Variants in CACNA1H observed in about 807,000 individuals in gnomAD.
CACNA1H encodes calcium voltage-gated channel subunit alpha1 H, also known as voltage-dependent T-type calcium channel subunit alpha-1H.
In CACNA1H, 149 loss-of-function variants were observed where a neutral mutation model predicts 192.5. The ratio of observed to expected loss-of-function variants is 0.77; its 90% CI spans 0.68 to 0.89. The LOEUF is 0.89. Ranked by LOEUF, CACNA1H falls within the 40% of genes least tolerant of loss-of-function variation. CACNA1H has a pLI of 0.00. For synonymous variants in CACNA1H, 2,202 were observed against 1,475.2 expected (o/e 1.49, Z -11.29); for missense variants, 4,257 against 3,423.5 (o/e 1.24, Z -6.08).
intron 16 of CACNA1H, among the ~76,000 whole-genome samples, chr16:1,208,429 G>A (rs1045735626): frequency 2.6e-5 from 4 of 152,196 alleles, no homozygotes; most frequent in Non-Finnish European, 2.9e-5. Context: ...GGGCAGACGC[G>A]GAAGCTCTGT....
chr16:1,214,651 G>C (rs867004495), intron 27 of CACNA1H, among the ~76,000 whole-genome samples: 1 of 152,208 alleles, frequency 6.6e-6, no homozygotes, highest in Admixed American at 6.5e-5. Context: ...CACTGCCATC[G>C]GGGTGCACAG....
intron 2 of CACNA1H, among the ~76,000 whole-genome samples, chr16:1,178,812 A>G (rs1965177591): frequency 6.6e-6 from 1 of 152,138 alleles, no homozygotes; most frequent in African/African-American, 2.4e-5. Context: ...TGGGGTGAAG[A>G]GATGTGGCGG....
chr16:1,156,008 C>T (rs1489601810), intron 2 of CACNA1H, among the ~76,000 whole-genome samples: 1 of 152,056 alleles, frequency 6.6e-6, no homozygotes, highest in East Asian at 1.9e-4. Flanking sequence ...GTGCTCTCAG[C>T]CTGGGAAGAA....
chr16:1,184,213 TCCCCGAG>T (rs1965757263), intron 2 of CACNA1H, among the ~76,000 whole-genome samples: 1 of 152,180 alleles, frequency 6.6e-6, no homozygotes, highest in Non-Finnish European at 1.5e-5. Flanking sequence ...ATGGGGCCCC[TCCCCGAG>T]CCCTGAGACC....
intron 2 of CACNA1H, among the ~76,000 whole-genome samples, chr16:1,160,538 G>A (rs534208002): frequency 4.6e-5 from 7 of 152,308 alleles, no homozygotes; most frequent in African/African-American, 7.2e-5. Context: ...CACTGTGCCC[G>A]CCGAGGATGA....
intron 2 of CACNA1H, among the ~76,000 whole-genome samples, chr16:1,176,183 G>A (rs1964869554): frequency 6.6e-6 from 1 of 152,252 alleles, no homozygotes; most frequent in Admixed American, 6.5e-5. Flanking sequence ...ACGCTGTGTG[G>A]TTACAGATGC....
At chr16:1,164,930 C>T (rs896953158) in intron 2 of CACNA1H, among the ~76,000 whole-genome samples, 13 of 152,158 alleles carry the variant, frequency 8.5e-5, no homozygotes, top group African/African-American at 2.9e-4. Context: ...CCTGGCTTGG[C>T]AGATGTGTGT....
At chr16:1,171,520 A>T (rs1273552007) in intron 2 of CACNA1H, among the ~76,000 whole-genome samples, 1 of 152,136 alleles carries the variant, frequency 6.6e-6, no homozygotes, top group Non-Finnish European at 1.5e-5. Context: ...TCGAATGGAG[A>T]TGGGGGTCAG....
chr16:1,197,615 G>T (rs1481053522), intron 5 of CACNA1H, among the ~76,000 whole-genome samples: 1 of 152,228 alleles, frequency 6.6e-6, no homozygotes, highest in Non-Finnish European at 1.5e-5. Flanking sequence ...GGTCATCTGT[G>T]ATCTTTGAGG....
At position 1,204,024 on chromosome 16, in the gene CACNA1H, C is replaced by T. The variant is rs1057520145; in HGVS notation, c.2017C>T (p.Pro673Ser). The T allele has an allele frequency of 2.6e-6, 4 of 1,557,504 alleles. No homozygotes were observed. The highest frequency in any genetic ancestry group is 3.5e-6 in the Non-Finnish European group (4 of 1,151,850). Residue 673 changes from proline (P) to serine (S), a missense_variant, in exon 10 of 35, where the codon CCT becomes TCT. Coordinates refer to ENST00000348261, the MANE Select transcript of CACNA1H (RefSeq NM_021098.3). ...CTCTCCCGCAGGACTGGGCCAGGCC[C>T]CTGGCCATCTGTCGGGCCTCAGTGT... ...VVGEHGLGQA[P>S]GHLSGLSVPC...
Position 1,218,661 on chromosome 16 carries a change from C to A in CACNA1H, c.5887+10C>A. The A allele has an allele frequency of 6.5e-7, 1 of 1,528,442 alleles. No homozygotes were observed. Among genetic ancestry groups the A allele is most frequent in the Non-Finnish European group, 8.8e-7 (1 of 1,134,014 alleles). 94.7% of individuals were successfully genotyped at this position (1,528,442 alleles called of 1,614,324 possible). A position where few individuals can be genotyped will look rare whatever the true frequency, so the allele number is the denominator to read the frequency against. On this transcript the variant is annotated intron_variant, in intron 33 of 34. Coordinates refer to ENST00000348261, the MANE Select transcript of CACNA1H (RefSeq NM_021098.3). ...GCCGGCACCCCCTTGGGTATGGTAG[C>A]CAGCAGGAAGATATGGGCTGGGTGG...
chr16:1,215,721 G>A, intron 30 of CACNA1H, 128 bp downstream of exon 30: 1 of 741,450 alleles, frequency 1.3e-6, no homozygotes, highest in Non-Finnish European at 2.3e-6. Flanking sequence ...CTGAAGCTGC[G>A]TCCCTGCTGT....
chr16:1,205,404 G>T, intron 11 of CACNA1H, 139 bp downstream of exon 11: 1 of 962,642 alleles, frequency 1.0e-6, no homozygotes, highest in Non-Finnish European at 1.5e-6. Context: ...GGAAGCAGGT[G>T]CTTGGTGACC....
chr16:1,153,826 C>G lies in CACNA1H; in HGVS notation c.89C>G (p.Pro30Arg). 2 of 1,287,070 alleles carry G rather than the reference C, an allele frequency of 1.6e-6. No homozygotes were observed. The highest frequency in any genetic ancestry group is 2.0e-6 in the Non-Finnish European group (2 of 1,018,716). The allele number at this position is 1,287,070 out of a possible 1,614,324, so 79.7% of individuals were successfully genotyped here. Residue 30 changes from proline to arginine, a missense_variant, in exon 2 of 35, where the codon CCG (proline) becomes CGG (arginine). Transcript: ENST00000348261. ...PGPAALVGAS[P>R]ESPGAPGREA... ...CCTGCGGCGTTGGTGGGGGCGTCCC[C>G]GGAGAGCCCCGGGGCGCCGGGACGC...
At chr16:1,190,205 C>G (rs1966475917) in intron 2 of CACNA1H, among the ~76,000 whole-genome samples, 1 of 152,258 alleles carries the variant, frequency 6.6e-6, no homozygotes, top group Non-Finnish European at 1.5e-5. Flanking sequence ...GGCCCCCTCC[C>G]AGGGCTGTTC....
rs1457966995 is a variant in CACNA1H at position 1,167,423 on chromosome 16, C to T, written c.299+13387C>T. 6.6e-6 allele frequency among the ~76,000 whole-genome samples: 1 copy of T among 152,140 alleles called. No homozygotes were observed. Among genetic ancestry groups the T allele is most frequent in the African/African-American group, 2.4e-5 (1 of 41,442 alleles). On this transcript the variant is annotated intron_variant, in intron 2 of 34. Transcript: ENST00000348261. This position sits in a 1 kb window ranked among gnomAD's most constrained non-coding sequence, Gnocchi z 4.2. Reference sequence around the variant, plus strand: ...GTTTGCACGGCATCCATCCCTCCATCCGTCCTCTGGAGAATTTCAACACCC... The same window carrying T: ...GTTTGCACGGCATCCATCCCTCCATTCGTCCTCTGGAGAATTTCAACACCC...
At chr16:1,193,625 C>T (rs1966804602) in intron 2 of CACNA1H, among the ~76,000 whole-genome samples, 1 of 152,242 alleles carries the variant, frequency 6.6e-6, no homozygotes, top group Non-Finnish European at 1.5e-5. Context: ...CTGATTTCGG[C>T]TTTCTTGCAG....
chr16:1,170,251 T>A (rs977343010), intron 2 of CACNA1H, among the ~76,000 whole-genome samples: 20 of 152,170 alleles, frequency 1.3e-4, no homozygotes, highest in Non-Finnish European at 2.8e-4. Flanking sequence ...GTGCAGAGCC[T>A]TCTTTGTGAG....
intron 2 of CACNA1H, among the ~76,000 whole-genome samples, chr16:1,155,188 G>C (rs1219106154): frequency 6.6e-6 from 1 of 152,222 alleles, no homozygotes; most frequent in Admixed American, 6.5e-5. Flanking sequence ...GAGTGAGTCA[G>C]ACTCATCTCT....
Sources: allele counts gnomAD v4.1 joint callset (sites outside exome capture counted in the v4.1 genomes callset), GRCh38; gene constraint gnomAD v4.1.1; non-coding constraint Gnocchi (gnomAD v3.1); transcripts MANE v1.5; gene names NCBI Gene and HGNC (gene_info 2026-07-23, HGNC 2026-07-21).